BIRC6: variants seen among roughly 807,000 people sequenced by gnomAD.
BIRC6 encodes baculoviral IAP repeat containing 6.
BIRC6 carries 98 observed loss-of-function variants against 503.3 expected under a neutral mutation model. That is an observed-to-expected ratio of 0.19 (90% CI 0.17 to 0.23). The LOEUF is 0.23. Among genes scored for constraint, BIRC6 ranks in the 10% least tolerant of loss-of-function variants. The pLI is 1.00. For missense variants in BIRC6, 5,360 were observed against 5,806.0 expected, an observed-to-expected ratio of 0.92 and a Z score of 2.50; for synonymous variants, 2,240 against 2,078.7, an observed-to-expected ratio of 1.08 and a Z score of -2.11.
At chr2:32,383,663 C>T (rs1167726640) in intron 3 of BIRC6, among the ~76,000 whole-genome samples, 2 of 152,088 alleles carry the variant, frequency 1.3e-5, no homozygotes, top group South Asian at 4.2e-4. Flanking sequence ...TCCCCAGTAG[C>T]TGGGACTATA....
chr2:32,594,354 G>C (rs1232802002), intron 67 of BIRC6: 1 of 245,144 alleles, frequency 4.1e-6, no homozygotes, highest in Non-Finnish European at 7.8e-6. Flanking sequence ...CTTTATATTA[G>C]ATAGAAAATA....
At chr2:32,397,722 A>G (rs903033413) in intron 6 of BIRC6, among the ~76,000 whole-genome samples, 12 of 151,408 alleles carry the variant, frequency 7.9e-5, no homozygotes, top group African/African-American at 2.7e-4. Context: ...ACATATATAC[A>G]CCATTTTAGT....
intron 20 of BIRC6, among the ~76,000 whole-genome samples, chr2:32,445,025 C>T (rs1425373244): frequency 1.3e-5 from 2 of 152,172 alleles, no homozygotes; most frequent in East Asian, 1.9e-4. Flanking sequence ...TAAGCAATGT[C>T]GATCTGTACC....
At chr2:32,436,395 A>C (rs927248518) in intron 15 of BIRC6, among the ~76,000 whole-genome samples, 4 of 152,166 alleles carry the variant, frequency 2.6e-5, no homozygotes, top group African/African-American at 9.7e-5. Flanking sequence ...AAGAGGTCTC[A>C]GTGCTTTTTG....
chr2:32,457,599 A>G (rs570190648), intron 23 of BIRC6, among the ~76,000 whole-genome samples: 1 of 152,274 alleles, frequency 6.6e-6, no homozygotes, highest in Admixed American at 6.5e-5. Context: ...TTCCAGAAGT[A>G]TATATGAATT....
In BIRC6 at chr2:32,365,867, T is replaced by TTTTAA. The variant is rs529754115; in HGVS notation, c.325+8406_325+8410dup. 1.5e-3 allele frequency among the ~76,000 whole-genome samples: 231 copies of TTTTAA among 151,992 alleles called. 2 individuals carry two copies. The highest frequency in any genetic ancestry group is 3.9e-3 in the African/African-American group (162 of 41,518). On this transcript the variant is annotated intron_variant, in intron 1 of 73. Transcript: ENST00000421745. ...AGCAGTTTTATTTATTTATTTTATT[T>TTTTAA]TTTAATTTAATTTAATTTAATTTAA...
chr2:32,595,110 A>C lies in BIRC6; in HGVS notation c.13578A>C (p.Glu4526Asp), dbSNP rs1001913746. 1 of 1,600,492 alleles carries C rather than the reference A, an allele frequency of 6.2e-7. No individual in the cohort carries two copies. Among genetic ancestry groups the C allele is most frequent in the African/African-American group, 1.3e-5 (1 of 74,258 alleles). Residue 4526 changes from glutamate (E) to aspartate (D), a missense_variant, in exon 68 of 74, where the codon GAA (glutamate) becomes GAC (aspartate). Glu to Asp is a conservative substitution (Grantham distance 45). Around this residue, in one of 16 missense-constraint regions of BIRC6, gnomAD observed 477 missense variants for 574.4 expected, o/e 0.83. Coordinates refer to ENST00000421745, the MANE Select transcript of BIRC6 (RefSeq NM_016252.4). ...TGTCAGTATTAAAGTCACTTGAAGAAAAATATGTGGCTGTTATGAAGAAAT... is the reference window on the plus strand; with the variant it reads ...TGTCAGTATTAAAGTCACTTGAAGACAAATATGTGGCTGTTATGAAGAAAT... ...KPLSVLKSLEEKYVAVMKKLQ... is the reference protein window; with the variant it reads ...KPLSVLKSLEDKYVAVMKKLQ...
intron 65 of BIRC6, among the ~76,000 whole-genome samples, chr2:32,560,047 C>T (rs933420276): frequency 3.3e-5 from 5 of 151,976 alleles, no homozygotes; most frequent in African/African-American, 9.7e-5. Flanking sequence ...ATAATAAATC[C>T]GATATAAATA....
chr2:32,509,114 A>G (rs2054121756), intron 51 of BIRC6, among the ~76,000 whole-genome samples: 1 of 152,092 alleles, frequency 6.6e-6, no homozygotes, highest in Non-Finnish European at 1.5e-5. Context: ...TGCTAAGACT[A>G]CACAGTTTTA....
At chr2:32,365,776 A>G (rs181278335) in intron 1 of BIRC6, among the ~76,000 whole-genome samples, 109 of 152,270 alleles carry the variant, frequency 7.2e-4, no homozygotes, top group African/African-American at 2.5e-3. Context: ...TTAGGGCCCT[A>G]TTATGATTGG....
At chr2:32,383,657 C>T (rs1170185518) in intron 3 of BIRC6, among the ~76,000 whole-genome samples, 3 of 151,936 alleles carry the variant, frequency 2.0e-5, no homozygotes, top group African/African-American at 4.8e-5. Context: ...TCAGTCTCCC[C>T]AGTAGCTGGG....
chr2:32,588,929 G>GTATTATT (rs1279597569), intron 66 of BIRC6, among the ~76,000 whole-genome samples: 1 of 152,086 alleles, frequency 6.6e-6, no homozygotes, highest in Non-Finnish European at 1.5e-5. Flanking sequence ...TCTCCTGCTG[G>GTATTATT]TCATTCCAGC....
chr2:32,437,714 G>A (rs2148188151), intron 15 of BIRC6, among the ~76,000 whole-genome samples: 1 of 152,180 alleles, frequency 6.6e-6, no homozygotes, highest in African/African-American at 2.4e-5. Flanking sequence ...CATCATATCG[G>A]CTCTCAAAGA....
At chr2:32,484,414 C>T (rs1188672997) in intron 39 of BIRC6, among the ~76,000 whole-genome samples, 1 of 151,914 alleles carries the variant, frequency 6.6e-6, no homozygotes, top group Non-Finnish European at 1.5e-5. Flanking sequence ...ATTAGCCAGA[C>T]ATGGTGGCGG....
In BIRC6 at chr2:32,415,934, G is replaced by A; in HGVS notation, c.2643G>A (p.Met881Ile). 1 of 1,613,906 alleles carries A rather than the reference G, an allele frequency of 6.2e-7. No individual in the cohort carries two copies. Among genetic ancestry groups the A allele is most frequent in the Non-Finnish European group, 8.5e-7 (1 of 1,179,824 alleles). Reference protein sequence around the residue: ...EDDCEEPIEDMQLTSKNGFER... With the variant: ...EDDCEEPIEDIQLTSKNGFER... ...ACTGTGAGGAACCTATTGAGGACAT[G>A]CAGTTAACCTCAAAGAATGGTTTTG... The change falls in exon 10 of 74, where the codon ATG becomes ATA. Residue 881 changes from methionine (M) to isoleucine (I), a missense_variant. By Grantham distance (10) the Met-to-Ile change is conservative. Around this residue, in one of 16 missense-constraint regions of BIRC6, gnomAD observed 700 missense variants for 739.3 expected, o/e 0.95. Transcript: ENST00000421745.
chr2:32,436,755 G>GGT (rs963114751), intron 15 of BIRC6, among the ~76,000 whole-genome samples: 1 of 151,916 alleles, frequency 6.6e-6, no homozygotes, highest in Non-Finnish European at 1.5e-5. Context: ...GTAGAGATGG[G>GGT]GTTTCACCAT....
intron 59 of BIRC6, chr2:32,527,811 T>C (rs185477797): frequency 3.3e-5 from 5 of 152,318 alleles, no homozygotes; most frequent in Non-Finnish European, 4.4e-5. Context: ...TGACTGGTGG[T>C]AAAATAGTCG....
At position 32,401,522 on chromosome 2, in the gene BIRC6, A is replaced by G. The variant is rs1419596981; in HGVS notation, c.1317A>G (p.Leu439=). 5.0e-6 allele frequency: 8 copies of G among 1,613,916 alleles called. No homozygotes were observed. Among genetic ancestry groups the G allele is most frequent in the Non-Finnish European group, 5.9e-6 (7 of 1,179,886 alleles). The part of the protein sequence containing the change: ...YDPAIVQQLI[L]SGDPSSGVDS... ...CAGCAATTGTACAACAGCTTATTCT[A>G]TCAGGAGACCCAAGCTCAGGAGTTG... Residue 439 remains leucine (L), a synonymous_variant, in exon 8 of 74, where the codon CTA becomes CTG. Transcript: ENST00000421745.
Position 32,425,434 on chromosome 2 carries a change from CT to C in BIRC6, c.2873-3697del, listed in dbSNP as rs200528146. On this transcript the variant is annotated intron_variant, in intron 10 of 73. Coordinates refer to ENST00000421745, the MANE Select transcript of BIRC6 (RefSeq NM_016252.4). ...TTCTCAGGTATGCTTTCTGGTAATT[CT>C]TTTTTTTTTTTTTTCTCCTGTAAAT... Among the ~76,000 whole-genome samples, 565 of 134,192 alleles carry C rather than the reference CT, an allele frequency of 4.2e-3. 2 individuals carry two copies. The highest frequency in any genetic ancestry group is 0.012 in the Middle Eastern group (3 of 252). The allele number at this position is 134,192 out of a possible 152,430, so 88.0% of individuals were successfully genotyped here. A position where few individuals can be genotyped will look rare whatever the true frequency, so the allele number is the denominator to read the frequency against.
Sources: allele counts gnomAD v4.1 joint callset (sites outside exome capture counted in the v4.1 genomes callset), GRCh38; gene constraint gnomAD v4.1.1; regional missense constraint gnomAD v4.1.1; transcripts MANE v1.5; gene names NCBI Gene and HGNC (gene_info 2026-07-23, HGNC 2026-07-21).